CAPN5: variants seen among roughly 807,000 people sequenced by gnomAD.
The protein encoded by CAPN5 is calpain-5.
A neutral mutation model predicts 73.0 loss-of-function variants in CAPN5; 54 were observed. The observed-to-expected ratio is 0.74, with a 90% CI of 0.59 to 0.93. The LOEUF is 0.93. Ranked by LOEUF, CAPN5 falls within the 40% of genes least tolerant of loss-of-function variation. The pLI, the probability that CAPN5 is intolerant of heterozygous loss-of-function variation, is 0.00. For missense variants in CAPN5, 785 were observed against 882.9 expected (o/e 0.89, Z 1.41); for synonymous variants, 335 against 356.9 (o/e 0.94, Z 0.69).
intron 1 of CAPN5, among the ~76,000 whole-genome samples, chr11:77,067,661 G>GTGTGTGTGTGTGTGTT: frequency 6.7e-6 from 1 of 149,454 alleles, no homozygotes; most frequent in Non-Finnish European, 1.5e-5. Context: ...GTGTGTGTGT[G>GTGTGTGTGTGTGTGTT]TGTGTGTGTT....
At chr11:77,102,950 G>A in intron 3 of CAPN5, 1 of 1,613,208 alleles carries the variant, frequency 6.2e-7, no homozygotes, top group Non-Finnish European at 8.5e-7. Context: ...AGCGCGGGGA[G>A]AAGCGCCAGG....
chr11:77,087,963 C>T (rs1555035829), intron 2 of CAPN5: 3 of 1,536,050 alleles, frequency 2.0e-6, no homozygotes, highest in Admixed American at 3.9e-5. Flanking sequence ...TTCGCTGGCC[C>T]CTCACAGGCC....
At chr11:77,122,115 C>A in intron 11 of CAPN5, 66 bp downstream of exon 11, 1 of 917,660 alleles carries the variant, frequency 1.1e-6, no homozygotes, top group Non-Finnish European at 1.6e-6. Context: ...TCTCCACCAG[C>A]ACGGATACCA....
chr11:77,078,686 T>G (rs1013791727), intron 1 of CAPN5, among the ~76,000 whole-genome samples: 1 of 152,188 alleles, frequency 6.6e-6, no homozygotes, highest in Non-Finnish European at 1.5e-5. Flanking sequence ...CTAATTCTTA[T>G]CTACATATAC....
In CAPN5 at chr11:77,122,655, G is replaced by A. The variant is rs782316668; in HGVS notation, c.1683G>A (p.Glu561=). ...SAVQKGTSTP[E]YNVKGIFYRK... is the part of the protein sequence containing the mutation. The stretch of plus-strand genomic sequence containing the variant: ...TGCAGAAGGGCACCTCCACACCAGA[G>A]TACAATGTGAAAGGCATCTTCTACC... Residue 561 remains glutamate (E), a synonymous_variant, in exon 12 of 13, where the codon GAG becomes GAA. Coordinates refer to ENST00000648180, the MANE Select transcript of CAPN5 (RefSeq NM_004055.5). 8.1e-6 allele frequency: 13 copies of A among 1,613,558 alleles called. No individual in the cohort carries two copies. The highest frequency in any genetic ancestry group is 5.0e-5 in the Admixed American group (3 of 59,984).
chr11:77,104,215 A>G (rs1555039494), intron 3 of CAPN5, among the ~76,000 whole-genome samples: 2 of 152,176 alleles, frequency 1.3e-5, no homozygotes, highest in Non-Finnish European at 2.9e-5. Context: ...AGATAGTGAA[A>G]CAGGGAGTGG....
intron 3 of CAPN5, chr11:77,102,998 C>A (rs781832248): frequency 6.2e-7 from 1 of 1,613,524 alleles, no homozygotes; most frequent in Non-Finnish European, 8.5e-7. Context: ...AGTCTGTGTA[C>A]CGCCTCAACT....
intron 3 of CAPN5, among the ~76,000 whole-genome samples, chr11:77,105,305 G>A (rs58926968): frequency 6.6e-6 from 1 of 151,964 alleles, no homozygotes; most frequent in Non-Finnish European, 1.5e-5. Flanking sequence ...CACTCCCCCA[G>A]CCCTTGCCAC....
intron 1 of CAPN5, among the ~76,000 whole-genome samples, chr11:77,084,634 C>T (rs781831552): frequency 1.6e-4 from 24 of 152,126 alleles, no homozygotes; most frequent in Admixed American, 8.5e-4. Flanking sequence ...GGCCTGGTAT[C>T]GCCTCTGAGC....
At position 77,067,562 on chromosome 11, in the gene CAPN5, C is replaced by G. The variant is rs111326411; in HGVS notation, c.-36+468C>G. Among the ~76,000 whole-genome samples, 1,471 of 151,788 alleles carry G rather than the reference C, an allele frequency of 9.7e-3. 20 individuals are homozygous for G. The highest frequency in any genetic ancestry group is 0.034 in the African/African-American group (1,395 of 41,312). On this transcript the variant is annotated intron_variant, in intron 1 of 12. Transcript: ENST00000648180. Reference sequence around the variant, plus strand: ...AGGGCCGAGGCTCCTACTGCCCCAGCCTATCCGCTTCTTGGCACTACTCCC... The same window carrying G: ...AGGGCCGAGGCTCCTACTGCCCCAGGCTATCCGCTTCTTGGCACTACTCCC...
chr11:77,080,340 C>A (rs890740187), intron 1 of CAPN5, among the ~76,000 whole-genome samples: 11 of 152,142 alleles, frequency 7.2e-5, no homozygotes, highest in Non-Finnish European at 2.9e-5. Flanking sequence ...GGCTTTGAGG[C>A]CCTCTTGCTG....
chr11:77,123,566 C>G, intron 12 of CAPN5, 122 bp from the exon 13 acceptor site: 1 of 815,662 alleles, frequency 1.2e-6, no homozygotes, highest in Non-Finnish European at 2.0e-6. Flanking sequence ...AGCCCAGGGC[C>G]CCCGATCCTC....
chr11:77,116,355 C>T (rs1555041791), intron 7 of CAPN5, 52 bp downstream of exon 7: 1 of 1,457,160 alleles, frequency 6.9e-7, no homozygotes, highest in Non-Finnish European at 9.5e-7. Flanking sequence ...TTCCCACGGG[C>T]CTGGCGGGGA....
chr11:77,098,320 C>T (rs1175331067), intron 3 of CAPN5, among the ~76,000 whole-genome samples: 5 of 100,136 alleles, frequency 5.0e-5, no homozygotes, highest in African/African-American at 1.2e-4. Context: ...GCTGGCCGGG[C>T]GGGGGGCTGA....
rs144638414 is a variant in CAPN5 at position 77,118,569 on chromosome 11, G to A, written c.1167+217G>A. On this transcript the variant is annotated intron_variant, in intron 8 of 12. Coordinates refer to ENST00000648180, the MANE Select transcript of CAPN5 (RefSeq NM_004055.5). ...AATCTAACCTGCAGATGGTAAAAAT[G>A]AGGAAACCGCGGCTCTGAGGGACAT... Among the ~76,000 whole-genome samples, 470 of 152,328 alleles carry A rather than the reference G, an allele frequency of 3.1e-3. 6 individuals are homozygous for A. Among genetic ancestry groups the A allele is most frequent in the African/African-American group, 0.011 (449 of 41,584 alleles).
chr11:77,110,392 T>G (rs1451715480), intron 3 of CAPN5, among the ~76,000 whole-genome samples: 11 of 151,740 alleles, frequency 7.2e-5, no homozygotes, highest in African/African-American at 2.7e-4. Flanking sequence ...GAAAGCAAAG[T>G]GGGGAGAGAG....
At chr11:77,090,933 G>A (rs1555036416) in intron 2 of CAPN5, among the ~76,000 whole-genome samples, 1 of 152,170 alleles carries the variant, frequency 6.6e-6, no homozygotes, top group African/African-American at 2.4e-5. Flanking sequence ...CTGACGGGGT[G>A]CCGTTGGGGA....
At chr11:77,118,438 TTGGG>T in intron 8 of CAPN5, 86 bp downstream of exon 8, 1 of 1,181,980 alleles carries the variant, frequency 8.5e-7, no homozygotes, top group Non-Finnish European at 1.2e-6. Flanking sequence ...CTGCATGACC[TTGGG>T]TAATCCCTGT....
rs544734849 is a variant in CAPN5, at chr11:77,096,399, T to C, written c.297+2586T>C. 9.9e-5 allele frequency among the ~76,000 whole-genome samples: 15 copies of C among 152,270 alleles called. No individual in the cohort carries two copies. The East Asian group carries it at 2.7e-3, about 27-fold the overall frequency. On this transcript the variant is annotated intron_variant, in intron 3 of 12. Transcript: ENST00000648180. ...TTCCAGTGCCCAGGGTCGTGGAGGA[T>C]TAAAGGGGCCGGAGGAAGGCAAACC... is the stretch of plus-strand genomic sequence containing the variant.
Sources: gnomAD v4.1 joint callset for allele counts (sites outside exome capture counted in the v4.1 genomes callset) on GRCh38, gnomAD v4.1.1 for gene constraint, MANE v1.5 for transcripts, NCBI Gene and HGNC (gene_info 2026-07-23, HGNC 2026-07-21) for gene names.